CBFA2T3: variants seen among roughly 807,000 people sequenced by gnomAD.
CBFA2T3 encodes transcriptional corepressor CBFA2T3.
CBFA2T3 carries 31 observed loss-of-function variants against 58.6 expected under a neutral mutation model. That is an observed-to-expected ratio of 0.53 (90% CI 0.40 to 0.71). The LOEUF is 0.71. CBFA2T3 is among the 30% of genes least tolerant of loss of function. The probability of loss-of-function intolerance (pLI) is 0.00; values close to 1 mark genes in which losing one functional copy is unlikely to be tolerated. For synonymous variants in CBFA2T3, 531 were observed against 421.9 expected (o/e 1.26, Z -3.17); for missense variants, 1,076 against 963.1 (o/e 1.12, Z -1.55).
chr16:88,881,340 G>T lies in CBFA2T3; in HGVS notation c.1353C>A (p.Ala451=). The T allele has an allele frequency of 6.3e-7, 1 of 1,581,794 alleles. No homozygotes were observed. The highest frequency in any genetic ancestry group is 2.3e-5 in the East Asian group (1 of 43,368). The change falls in exon 9 of 12, where the codon GCC becomes GCA. Residue 451 remains alanine (A), a synonymous_variant. Transcript: ENST00000268679. ...CGGAGCTGCTGCGGGGCCGGGCCGC[G>T]GCGGGAGCGGGGCCCTTCTTTGTGT... ...AEDTKKGPAP[A]AARPRSSSAG...
intron 1 of CBFA2T3, among the ~76,000 whole-genome samples, chr16:88,929,379 C>G (rs1024556687): frequency 6.6e-6 from 1 of 152,234 alleles, no homozygotes; most frequent in African/African-American, 2.4e-5. Flanking sequence ...ACAGCAAGGC[C>G]AAGCCCCCTG....
intron 1 of CBFA2T3, among the ~76,000 whole-genome samples, chr16:88,976,153 G>A (rs932220437): frequency 6.6e-6 from 1 of 152,204 alleles, no homozygotes; most frequent in African/African-American, 2.4e-5. Flanking sequence ...CCACTGCCCT[G>A]GCTGGAATCG....
intron 3 of CBFA2T3, 92 bp from the exon 4 acceptor site, chr16:88,892,577 G>T: frequency 7.1e-7 from 1 of 1,408,052 alleles, no homozygotes; most frequent in South Asian, 1.2e-5. Context: ...CGACTAAGGT[G>T]ACAATGTCAA....
In CBFA2T3 at chr16:88,876,296, A is replaced by C. The variant is rs550612308; in HGVS notation, c.*680T>G. 4.4e-5 allele frequency: 10 copies of C among 228,314 alleles called. No individual in the cohort carries two copies. The highest frequency in any genetic ancestry group is 2.3e-4 in the Admixed American group (4 of 17,628). 14.1% of individuals were successfully genotyped at this position (228,314 alleles called of 1,614,324 possible). A position where few individuals can be genotyped will look rare whatever the true frequency, so the allele number is the denominator to read the frequency against. On this transcript the variant is annotated 3_prime_UTR_variant, in exon 12 of 12. Coordinates refer to ENST00000268679, the MANE Select transcript of CBFA2T3 (RefSeq NM_005187.6). ...CAAAGAGTTTAACATTACAGGAAAA[A>C]AAAATCTGAAACCAAAAATGCATCT...
Position 88,901,595 on chromosome 16 carries a change from C to T in CBFA2T3, c.213G>A (p.Thr71=), listed in dbSNP as rs757351567. 2.4e-5 allele frequency: 36 copies of T among 1,516,400 alleles called. No individual in the cohort carries two copies. The highest frequency in any genetic ancestry group is 1.7e-4 in the Middle Eastern group (1 of 5,824). The allele number at this position is 1,516,400 out of a possible 1,614,324, so 93.9% of individuals were successfully genotyped here. A position where few individuals can be genotyped will look rare whatever the true frequency, so the allele number is the denominator to read the frequency against. Residue 71 remains threonine, a synonymous_variant, in exon 2 of 12, where the codon ACG becomes ACA. Transcript: ENST00000268679. ...AMPDSPAEVK[T]QPRSTPPSMP... is the part of the protein sequence containing the mutation. ...TGCTGGGGGGTGTGGACCGGGGCTGCGTCTTCACCTCCGCTGGGGAGTCCG... is the reference window on the plus strand; with the variant it reads ...TGCTGGGGGGTGTGGACCGGGGCTGTGTCTTCACCTCCGCTGGGGAGTCCG...
In CBFA2T3 at chr16:88,977,193, G is replaced by C; in HGVS notation, c.-386C>G. ...GCCCTGCCCTGCGCGGCCTTCCCTC[G>C]GGCCATTCCGGTTTGACCTTCCAAC... On this transcript the variant is annotated 5_prime_UTR_variant, in exon 1 of 12. Transcript: ENST00000268679. 1 of 265,250 alleles carries C rather than the reference G, an allele frequency of 3.8e-6. No individual in the cohort carries two copies. The highest frequency in any genetic ancestry group is 7.3e-6 in the Non-Finnish European group (1 of 137,050). The allele number at this position is 265,250 out of a possible 1,614,324, so 16.4% of individuals were successfully genotyped here.
Position 88,941,045 on chromosome 16 carries a change from G to A in CBFA2T3, c.151+35612C>T, listed in dbSNP as rs891677339. On this transcript the variant is annotated intron_variant, in intron 1 of 11. Coordinates refer to ENST00000268679, the MANE Select transcript of CBFA2T3 (RefSeq NM_005187.6). ...GGTCGGGGGGTCCGGGGGATCCGGC[G>A]GGCGGCGGACGGCGCACACTCGCGA... The A allele has an allele frequency of 1.7e-5, 17 of 985,522 alleles. No homozygotes were observed. In the African/African-American group the frequency reaches 2.6e-4, roughly 15 times the overall value. The allele number at this position is 985,522 out of a possible 1,614,324, so 61.0% of individuals were successfully genotyped here.
intron 1 of CBFA2T3, among the ~76,000 whole-genome samples, chr16:88,913,122 G>T (rs112248956): frequency 5.3e-5 from 8 of 152,346 alleles, no homozygotes; most frequent in South Asian, 2.1e-4. Flanking sequence ...CGGGGGACTT[G>T]CTTTGGCTGG....
At chr16:88,878,493 C>G (rs756370578) in intron 11 of CBFA2T3, among the ~76,000 whole-genome samples, 2 of 152,224 alleles carry the variant, frequency 1.3e-5, no homozygotes, top group African/African-American at 4.8e-5. Context: ...AGAAAAGGGT[C>G]GCGGAGGGTC....
At chr16:88,929,970 A>G (rs930266586) in intron 1 of CBFA2T3, among the ~76,000 whole-genome samples, 3 of 146,822 alleles carry the variant, frequency 2.0e-5, no homozygotes, top group Non-Finnish European at 4.4e-5. Flanking sequence ...AGCTACCAAT[A>G]CCCAGAGCCG....
At chr16:88,969,681 C>T (rs558485534) in intron 1 of CBFA2T3, among the ~76,000 whole-genome samples, 3 of 152,308 alleles carry the variant, frequency 2.0e-5, no homozygotes, top group East Asian at 3.9e-4. Flanking sequence ...CAGCACCGCC[C>T]GTGGGGCTGC....
chr16:88,889,056 G>T (rs910395198), intron 5 of CBFA2T3, among the ~76,000 whole-genome samples: 25 of 152,074 alleles, frequency 1.6e-4, no homozygotes, highest in African/African-American at 4.8e-4. Flanking sequence ...CCTCAGTTAA[G>T]CAAGGGTGGC....
intron 1 of CBFA2T3, among the ~76,000 whole-genome samples, chr16:88,969,147 C>A (rs2067792): frequency 0.4 from 61,312 of 152,082 alleles, 13,707 homozygotes; most frequent in African/African-American, 0.59. Flanking sequence ...GCCCGGATGC[C>A]GCCGGGGTCA....
intron 1 of CBFA2T3, among the ~76,000 whole-genome samples, chr16:88,920,443 A>ATT (rs368094716): frequency 2.4e-4 from 34 of 138,874 alleles, no homozygotes; most frequent in Admixed American, 3.6e-4. Context: ...TACCCGGCCA[A>ATT]TTTTTTTTTT....
chr16:88,947,576 G>A (rs755003136), intron 1 of CBFA2T3, among the ~76,000 whole-genome samples: 1 of 152,156 alleles, frequency 6.6e-6, no homozygotes, highest in Non-Finnish European at 1.5e-5. Context: ...GTATACAACC[G>A]ATACAAACAA....
At chr16:88,915,050 C>A (rs1427789065) in intron 1 of CBFA2T3, among the ~76,000 whole-genome samples, 2 of 151,464 alleles carry the variant, frequency 1.3e-5, no homozygotes, top group African/African-American at 2.4e-5. Context: ...TTACCCAGCA[C>A]TGGCCCTGGC....
intron 1 of CBFA2T3, among the ~76,000 whole-genome samples, chr16:88,967,140 C>T (rs1382269424): frequency 1.5e-5 from 2 of 137,280 alleles, no homozygotes; most frequent in South Asian, 2.3e-4. Flanking sequence ...CACTCGGCCC[C>T]GACACGCGGC....
intron 1 of CBFA2T3, among the ~76,000 whole-genome samples, chr16:88,914,284 C>G (rs1479175336): frequency 6.6e-6 from 1 of 152,198 alleles, no homozygotes; most frequent in Non-Finnish European, 1.5e-5. Flanking sequence ...AGCGCAGTGA[C>G]CAGAGGGGGA....
intron 1 of CBFA2T3, among the ~76,000 whole-genome samples, chr16:88,951,687 T>A (rs1219916153): frequency 1.3e-5 from 2 of 151,630 alleles, no homozygotes; most frequent in Admixed American, 6.6e-5. Flanking sequence ...GCCCCAGCGA[T>A]TGGTCCAGGA....
Sources: gnomAD v4.1 joint callset for allele counts (sites outside exome capture counted in the v4.1 genomes callset) on GRCh38, gnomAD v4.1.1 for gene constraint, MANE v1.5 for transcripts, NCBI Gene and HGNC (gene_info 2026-07-23, HGNC 2026-07-21) for gene names.